Variants in PALM2AKAP2 observed in about 807,000 individuals in gnomAD.
The protein encoded by PALM2AKAP2 is PALM2-AKAP2 fusion protein.
Under a neutral mutation model 71.5 loss-of-function variants are expected in PALM2AKAP2, and 37 were observed. The observed-to-expected ratio is 0.52, with a 90% CI of 0.40 to 0.68. The LOEUF (loss-of-function observed/expected upper bound fraction) is 0.68. Among genes scored for constraint, PALM2AKAP2 ranks in the 30% least tolerant of loss-of-function variants. PALM2AKAP2 has a pLI of 0.00. For synonymous variants in PALM2AKAP2, 468 were observed against 478.8 expected, an observed-to-expected ratio of 0.98 and a Z score of 0.29; for missense variants, 1,224 against 1,191.8, an observed-to-expected ratio of 1.03 and a Z score of -0.40.
chr9:109,934,869 GT>G (rs1425442141), intron 6 of PALM2AKAP2, among the ~76,000 whole-genome samples: 2 of 152,152 alleles, frequency 1.3e-5, no homozygotes, highest in Non-Finnish European at 2.9e-5. Context: ...GAATTCTTTT[GT>G]TTTTTAATCT....
chr9:110,026,559 C>T (rs534267760), intron 7 of PALM2AKAP2, among the ~76,000 whole-genome samples: 1 of 152,110 alleles, frequency 6.6e-6, no homozygotes, highest in Non-Finnish European at 1.5e-5. Flanking sequence ...TAACCATCAT[C>T]GTCATCCATC....
At chr9:109,706,348 A>C (rs1350935150) in intron 1 of PALM2AKAP2, among the ~76,000 whole-genome samples, 1 of 152,218 alleles carries the variant, frequency 6.6e-6, no homozygotes, top group East Asian at 1.9e-4. Flanking sequence ...TCAAACTTAA[A>C]AAATCATTTA....
chr9:109,867,710 C>A, intron 2 of PALM2AKAP2, 139 bp downstream of exon 2: 1 of 955,668 alleles, frequency 1.0e-6, no homozygotes, highest in South Asian at 1.8e-5. Flanking sequence ...GAAACCATCT[C>A]TTGGCTTTTC....
At chr9:109,777,268 T>A (rs1052717514), upstream of PALM2AKAP2, among the ~76,000 whole-genome samples, 2 of 152,228 alleles carry the variant, frequency 1.3e-5, no homozygotes, top group Admixed American at 6.5e-5. Flanking sequence ...CCTACTTCGT[T>A]ATTCCTTCTT....
intron 7 of PALM2AKAP2, among the ~76,000 whole-genome samples, chr9:110,035,575 G>T (rs1833382380): frequency 7.0e-6 from 1 of 142,824 alleles, no homozygotes; most frequent in African/African-American, 2.6e-5. Flanking sequence ...AGGATATGTT[G>T]TGTTATATAT....
chr9:110,157,592 G>A (rs969321056), intron 3 of PALM2AKAP2, among the ~76,000 whole-genome samples: 3 of 152,036 alleles, frequency 2.0e-5, no homozygotes, highest in African/African-American at 7.3e-5. Context: ...TAGAAAGGAG[G>A]TCTCATTATG....
Position 110,089,037 on chromosome 9 carries a change from T to G in PALM2AKAP2, c.156+40182T>G, listed in dbSNP as rs368782136. Among the ~76,000 whole-genome samples the G allele has an allele frequency of 2.0e-5, 3 of 152,182 alleles. No homozygotes were observed. The East Asian group carries it at 5.8e-4, about 29-fold the overall frequency. ...GCCGGCCTACAGTTTGCATTTAAGTTAACTAAATACAATTTAAAAAATCAG... is the reference window on the plus strand; with the variant it reads ...GCCGGCCTACAGTTTGCATTTAAGTGAACTAAATACAATTTAAAAAATCAG... On this transcript the variant is annotated intron_variant, in intron 1 of 3. Transcript: ENST00000374525.
chr9:109,864,840 T>C (rs760954141), intron 1 of PALM2AKAP2, among the ~76,000 whole-genome samples: 20 of 152,208 alleles, frequency 1.3e-4, no homozygotes, highest in African/African-American at 3.6e-4. Flanking sequence ...TTTCACCATA[T>C]CATTCTGTAG....
intron 6 of PALM2AKAP2, among the ~76,000 whole-genome samples, chr9:110,009,286 A>C (rs1480874197): frequency 6.6e-6 from 1 of 152,032 alleles, no homozygotes; most frequent in Non-Finnish European, 1.5e-5. Flanking sequence ...TTTTATTTTT[A>C]GTACTAACCA....
At chr9:109,782,158 G>A (rs1033042506) in intron 1 of PALM2AKAP2, among the ~76,000 whole-genome samples, 1 of 152,190 alleles carries the variant, frequency 6.6e-6, no homozygotes, top group Non-Finnish European at 1.5e-5. Flanking sequence ...CTAACACTGG[G>A]GTACCCTTTT....
At chr9:109,712,979 G>A (rs1273494054) in intron 1 of PALM2AKAP2, among the ~76,000 whole-genome samples, 1 of 152,138 alleles carries the variant, frequency 6.6e-6, no homozygotes, top group Non-Finnish European at 1.5e-5. Context: ...CACCCTGATG[G>A]GCCACACAGT....
intron 1 of PALM2AKAP2, among the ~76,000 whole-genome samples, chr9:109,781,967 G>A (rs1826813304): frequency 6.6e-6 from 1 of 152,214 alleles, no homozygotes. Flanking sequence ...TGGGTGTTTT[G>A]TGTGAACTGG....
At chr9:109,741,080 CCTA>C (rs1419475290) in intron 1 of PALM2AKAP2, among the ~76,000 whole-genome samples, 4 of 152,270 alleles carry the variant, frequency 2.6e-5, no homozygotes, top group South Asian at 4.1e-4. Context: ...ATCATGCAAA[CCTA>C]GACATAGAGG....
At chr9:110,137,020 G>C in exon 2 of PALM2AKAP2, 1 of 1,614,080 alleles carries the variant, frequency 6.2e-7, no homozygotes, top group Non-Finnish European at 8.5e-7. Flanking sequence ...ATCTGGAGTC[G>C]CACAAAAAGT....
intron 1 of PALM2AKAP2, among the ~76,000 whole-genome samples, chr9:109,784,968 C>G (rs941312348): frequency 1.3e-5 from 2 of 152,152 alleles, no homozygotes; most frequent in Non-Finnish European, 2.9e-5. Context: ...TTTAATGGAA[C>G]GAGTAACATT....
chr9:110,058,637 C>T (rs1833896203), intron 1 of PALM2AKAP2, among the ~76,000 whole-genome samples: 4 of 152,158 alleles, frequency 2.6e-5, no homozygotes, highest in African/African-American at 7.2e-5. Context: ...CGTGGATCCA[C>T]ACCTCACTGT....
intron 1 of PALM2AKAP2, among the ~76,000 whole-genome samples, chr9:110,097,645 C>T (rs908518237): frequency 2.2e-4 from 32 of 146,342 alleles, no homozygotes; most frequent in African/African-American, 7.7e-4. Flanking sequence ...GATGGGATGG[C>T]GGCTGGGCAG....
chr9:110,120,129 T>A (rs928340774), intron 1 of PALM2AKAP2, among the ~76,000 whole-genome samples: 8 of 152,204 alleles, frequency 5.3e-5, no homozygotes, highest in African/African-American at 1.4e-4. Context: ...GTTATACAAA[T>A]CAAAATTTTC....
chr9:109,952,298 A>C (rs1831659795), intron 6 of PALM2AKAP2, among the ~76,000 whole-genome samples: 1 of 152,254 alleles, frequency 6.6e-6, no homozygotes, highest in Admixed American at 6.5e-5. Flanking sequence ...GTGCTCCAAA[A>C]AAAAAGTTTC....
Sources: allele counts gnomAD v4.1 joint callset (sites outside exome capture counted in the v4.1 genomes callset), GRCh38; gene constraint gnomAD v4.1.1; transcripts MANE v1.5; gene names NCBI Gene and HGNC (gene_info 2026-07-23, HGNC 2026-07-21).